UTRN: variants seen among roughly 807,000 people sequenced by gnomAD.
UTRN encodes the protein dystrophin-related protein 1.
Under a neutral mutation model 463.9 loss-of-function variants are expected in UTRN, and 283 were observed. The observed-to-expected ratio is 0.61, with a 90% confidence interval of 0.55 to 0.67. UTRN has a LOEUF of 0.67. Ranked by LOEUF, UTRN falls within the 30% of genes least tolerant of loss-of-function variation. UTRN has a pLI of 0.00. For synonymous variants in UTRN, 1,442 were observed against 1,431.5 expected (o/e 1.01, Z -0.17); for missense variants, 3,922 against 4,084.3 (o/e 0.96, Z 1.08).
rs1462579909 is a variant in UTRN, at chr6:144,846,743, G to A, written c.10271-62G>A. The A allele has an allele frequency of 3.1e-6, 5 of 1,611,448 alleles. No homozygotes were observed. The African/African-American group carries it at 5.3e-5, about 17-fold the overall frequency. ...ACTTTCCACGCATTTGCATGCCTGAGAGTTGGAACCAACAAAGTAACAGGA... is the reference window on the plus strand; with the variant it reads ...ACTTTCCACGCATTTGCATGCCTGAAAGTTGGAACCAACAAAGTAACAGGA... On this transcript the variant is annotated intron_variant, in intron 73 of 74. Transcript: ENST00000367545.
intron 23 of UTRN, among the ~76,000 whole-genome samples, chr6:144,468,493 A>T (rs929722629): frequency 7.3e-5 from 11 of 150,760 alleles, no homozygotes; most frequent in Admixed American, 2.6e-4. Context: ...TACTTAGTTT[A>T]TTTTTTTTTG....
intron 19 of UTRN, among the ~76,000 whole-genome samples, chr6:144,456,122 A>G (rs1187625356): frequency 1.3e-5 from 2 of 152,164 alleles, no homozygotes; most frequent in African/African-American, 4.8e-5. Context: ...TTAGGACAAC[A>G]GTGGGAAGCT....
Position 144,285,429 on chromosome 6 carries a change from T to C in UTRN, c.-485T>C, listed in dbSNP as rs1246112380. Among the ~76,000 whole-genome samples the C allele has an allele frequency of 2.0e-5, 3 of 151,636 alleles. No homozygotes were observed. The highest frequency in any genetic ancestry group is 4.4e-5 in the Non-Finnish European group (3 of 67,890). On this transcript the variant is annotated 5_prime_UTR_variant, in exon 1 of 75. Coordinates refer to ENST00000367545, the MANE Select transcript of UTRN (RefSeq NM_007124.3). ...AGGAGCCTCTGGCTCCAGAAGCCGA[T>C]TGGGGAATCACGGGGAGCGGCGCCC...
chr6:144,378,366 G>A (rs895687481), intron 2 of UTRN, among the ~76,000 whole-genome samples: 1 of 152,202 alleles, frequency 6.6e-6, no homozygotes, highest in African/African-American at 2.4e-5. Context: ...AGAGATCAAA[G>A]TTGACATTTC....
chr6:144,849,674 ACCTGGAG>A (rs1782321489), intron 74 of UTRN, among the ~76,000 whole-genome samples: 1 of 151,876 alleles, frequency 6.6e-6, no homozygotes, highest in Non-Finnish European at 1.5e-5. Context: ...ATATATTTTC[ACCTGGAG>A]GGTTGGGCTA....
At chr6:144,427,740 T>C (rs1167992976) in intron 7 of UTRN, among the ~76,000 whole-genome samples, 1 of 152,244 alleles carries the variant, frequency 6.6e-6, no homozygotes, top group African/African-American at 2.4e-5. Flanking sequence ...TGTAGAATTT[T>C]AGCCAATATA....
Position 144,461,243 on chromosome 6 carries a change from A to G in UTRN, c.2754A>G (p.Thr918=), listed in dbSNP as rs756325340. 1.1e-5 allele frequency: 18 copies of G among 1,609,896 alleles called. No individual in the cohort carries two copies. In the African/African-American group the frequency reaches 2.3e-4, roughly 20 times the overall value. ...PGHAYLETLK[T]LKDVLNDSEN... ...ATGCATATCTGGAAACATTGAAAACACTGAAAGATGTGCTAAATGATTCAG... is the reference window on the plus strand; with the variant it reads ...ATGCATATCTGGAAACATTGAAAACGCTGAAAGATGTGCTAAATGATTCAG... Residue 918 remains threonine, a synonymous_variant, in exon 22 of 75, where the codon ACA becomes ACG. Coordinates refer to ENST00000367545, the MANE Select transcript of UTRN (RefSeq NM_007124.3).
chr6:144,827,249 A>G, intron 66 of UTRN, 99 bp from the exon 67 acceptor site: 1 of 1,401,392 alleles, frequency 7.1e-7, no homozygotes, highest in Non-Finnish European at 1.0e-6. Context: ...ATATGAGCGG[A>G]AGATAATTGA....
At chr6:144,426,059 G>A (rs1393816781) in intron 6 of UTRN, among the ~76,000 whole-genome samples, 1 of 152,154 alleles carries the variant, frequency 6.6e-6, no homozygotes, top group Non-Finnish European at 1.5e-5. Flanking sequence ...ACACAGTAAT[G>A]TATAAAAGTG....
At chr6:144,679,938 A>G (rs561735084) in intron 52 of UTRN, among the ~76,000 whole-genome samples, 1 of 152,300 alleles carries the variant, frequency 6.6e-6, no homozygotes, top group East Asian at 1.9e-4. Context: ...GCATTGGCCA[A>G]CTACTTTTTC....
rs190283319 is a variant in UTRN at position 144,640,390 on chromosome 6, C to T, written c.7480-38016C>T. On this transcript the variant is annotated intron_variant, in intron 51 of 74. Transcript: ENST00000367545. ...CCAAACATGATACATTAAGTGTATC[C>T]CTTAGTATAATACCAAGGAACCCCA... 1.1e-3 allele frequency among the ~76,000 whole-genome samples: 160 copies of T among 152,132 alleles called. 2 individuals are homozygous for T. Among genetic ancestry groups the T allele is most frequent in the African/African-American group, 3.7e-3 (153 of 41,502 alleles).
At chr6:144,589,829 A>G (rs1802825340) in intron 51 of UTRN, among the ~76,000 whole-genome samples, 4 of 151,984 alleles carry the variant, frequency 2.6e-5, no homozygotes, top group Admixed American at 2.6e-4. Flanking sequence ...GAGATAGTCT[A>G]TAATGGATGT....
intron 51 of UTRN, among the ~76,000 whole-genome samples, chr6:144,585,243 G>T (rs1048261172): frequency 2.5e-4 from 38 of 152,032 alleles, no homozygotes; most frequent in African/African-American, 8.9e-4. Context: ...ATTTCCTAAA[G>T]ATACCATGAA....
intron 71 of UTRN, among the ~76,000 whole-genome samples, chr6:144,837,408 A>G (rs986730075): frequency 1.3e-5 from 2 of 152,222 alleles, no homozygotes; most frequent in African/African-American, 4.8e-5. Flanking sequence ...GGCACATAGT[A>G]GTTAGGAATA....
chr6:144,788,903 T>TAAA (rs1458223709), intron 61 of UTRN, among the ~76,000 whole-genome samples: 5 of 152,254 alleles, frequency 3.3e-5, no homozygotes, highest in African/African-American at 7.2e-5. Context: ...TTCAGCTTTA[T>TAAA]AATCATCATT....
chr6:144,459,488 A>G (rs1789193699), intron 21 of UTRN, 134 bp downstream of exon 21: 1 of 887,426 alleles, frequency 1.1e-6, no homozygotes, highest in Non-Finnish European at 1.6e-6. Flanking sequence ...TGTATTGTTC[A>G]AAGTCTTAAA....
chr6:144,443,022 G>A (rs1336805196), intron 13 of UTRN, among the ~76,000 whole-genome samples: 5 of 152,194 alleles, frequency 3.3e-5, no homozygotes, highest in Middle Eastern at 6.8e-3. Context: ...CAGTGTTTTC[G>A]GTAGATTAAT....
intron 51 of UTRN, among the ~76,000 whole-genome samples, chr6:144,639,668 C>G (rs1041317807): frequency 6.6e-6 from 1 of 150,592 alleles, no homozygotes; most frequent in Admixed American, 6.6e-5. Context: ...AATACACAGT[C>G]TTATTGCTTC....
At chr6:144,657,155 C>T (rs1562717836) in intron 51 of UTRN, among the ~76,000 whole-genome samples, 1 of 148,028 alleles carries the variant, frequency 6.8e-6, no homozygotes, top group Non-Finnish European at 1.5e-5. Context: ...GAGGCTGAGG[C>T]AGGAGAATCG....
Sources: allele counts gnomAD v4.1 joint callset (sites outside exome capture counted in the v4.1 genomes callset), GRCh38; gene constraint gnomAD v4.1.1; transcripts MANE v1.5; gene names NCBI Gene and HGNC (gene_info 2026-07-23, HGNC 2026-07-21).